The following OCA2 variants were observed in gnomAD, a reference collection of about 807,000 sequenced individuals.
OCA2 encodes P protein.
In OCA2, 77 loss-of-function variants were observed where a neutral mutation model predicts 100.2. The ratio of observed to expected loss-of-function variants is 0.77; its 90% confidence interval spans 0.64 to 0.93. The LOEUF is 0.93. OCA2 is among the 40% of genes least tolerant of loss of function. The probability of loss-of-function intolerance (pLI) is 0.00; values close to 1 mark genes in which losing one functional copy is unlikely to be tolerated. For missense variants in OCA2, 1,062 were observed against 1,089.1 expected (o/e 0.98, Z 0.35); for synonymous variants, 432 against 439.2 (o/e 0.98, Z 0.21).
At chr15:27,871,774 T>G in intron 20 of OCA2, 89 bp downstream of exon 20, 1 of 964,784 alleles carries the variant, frequency 1.0e-6, no homozygotes, top group Non-Finnish European at 1.7e-6. Flanking sequence ...ATGGGACCTG[T>G]TCTTACCAGA....
the OCA2 span, among the ~76,000 whole-genome samples, chr15:27,723,636 G>A: frequency 6.6e-5 from 10 of 152,076 alleles, no homozygotes; most frequent in African/African-American, 2.4e-4. Context: ...GACTTCCTGG[G>A]CGGCTTCAAT....
chr15:27,919,821 C>G (rs2038794139), intron 19 of OCA2, among the ~76,000 whole-genome samples: 1 of 152,160 alleles, frequency 6.6e-6, no homozygotes, highest in Non-Finnish European at 1.5e-5. Flanking sequence ...TAAATCATAA[C>G]AACTGTACCA....
chr15:27,867,946 C>T (rs1211698013), intron 21 of OCA2, among the ~76,000 whole-genome samples: 2 of 152,196 alleles, frequency 1.3e-5, no homozygotes, highest in Non-Finnish European at 2.9e-5. Context: ...TTGTTTTCAT[C>T]CTTCCCTCTC....
intron 23 of OCA2, among the ~76,000 whole-genome samples, chr15:27,774,414 G>C (rs1420614186): frequency 6.6e-6 from 1 of 152,234 alleles, no homozygotes; most frequent in Non-Finnish European, 1.5e-5. Flanking sequence ...ATTGAGCGGA[G>C]ACCAGTGTAA....
chr15:27,767,254 G>T (rs1182981497), intron 23 of OCA2, among the ~76,000 whole-genome samples: 1 of 151,798 alleles, frequency 6.6e-6, no homozygotes, highest in African/African-American at 2.4e-5. Context: ...CTGGCCCTTT[G>T]ACTGGCCTAA....
At chr15:28,093,705 T>G (rs2044912396) in intron 1 of OCA2, among the ~76,000 whole-genome samples, 1 of 152,082 alleles carries the variant, frequency 6.6e-6, no homozygotes, top group Non-Finnish European at 1.5e-5. Context: ...CGTCTGTCCG[T>G]AGGGGAGTGT....
intron 23 of OCA2, among the ~76,000 whole-genome samples, chr15:27,794,456 C>T (rs1016082649): frequency 2.6e-5 from 4 of 152,076 alleles, no homozygotes; most frequent in African/African-American, 9.7e-5. Flanking sequence ...TCAAATGAGT[C>T]GGGAGTATAT....
chr15:27,993,353 T>G (rs371253153), intron 9 of OCA2, among the ~76,000 whole-genome samples: 10 of 152,252 alleles, frequency 6.6e-5, no homozygotes, highest in Admixed American at 1.3e-4. Context: ...TGTCCCCGTG[T>G]CGGAAAACAA....
Position 27,805,985 on chromosome 15 carries a change from T to C in OCA2, c.2432+38974A>G, listed in dbSNP as rs114087564. On this transcript the variant is annotated intron_variant, in intron 23 of 23. Transcript: ENST00000354638. Reference sequence around the variant, plus strand: ...ACCACTGCGGAGTTACAGTGCAGGTTTGTCAGGCCGTGACAAACTATTTAG... The same window carrying C: ...ACCACTGCGGAGTTACAGTGCAGGTCTGTCAGGCCGTGACAAACTATTTAG... Among the ~76,000 whole-genome samples, 1,518 of 152,342 alleles carry C rather than the reference T, an allele frequency of 1.0e-2. 29 individuals carry two copies. The highest frequency in any genetic ancestry group is 0.034 in the African/African-American group (1,434 of 41,594).
chr15:28,035,877 T>G (rs1382487944), intron 2 of OCA2, among the ~76,000 whole-genome samples: 1 of 11,702 alleles, frequency 8.5e-5, no homozygotes, highest in Non-Finnish European at 1.5e-4. Context: ...CAACTGCAAC[T>G]GTACATAATT....
intron 9 of OCA2, among the ~76,000 whole-genome samples, chr15:27,994,458 C>T (rs2041657620): frequency 1.3e-5 from 2 of 152,316 alleles, no homozygotes; most frequent in Non-Finnish European, 2.9e-5. Flanking sequence ...AAATATAGCA[C>T]ACCTCTTCCT....
Position 27,956,497 on chromosome 15 carries a change from G to A in OCA2, c.1784+1091C>T, listed in dbSNP as rs376866045. Among the ~76,000 whole-genome samples, 31 of 152,320 alleles carry A rather than the reference G, an allele frequency of 2.0e-4. No homozygotes were observed. The South Asian group carries it at 5.2e-3, about 25-fold the overall frequency. ...TAACACCAGAGGAGCTGATGGGAAC[G>A]TGGTGAGCCTCGGAGCCCACATGTT... is the stretch of plus-strand genomic sequence containing the variant. On this transcript the variant is annotated intron_variant, in intron 16 of 23. Transcript: ENST00000354638.
At chr15:28,094,733 C>T (rs574388386) in intron 1 of OCA2, among the ~76,000 whole-genome samples, 1 of 152,296 alleles carries the variant, frequency 6.6e-6, no homozygotes, top group African/African-American at 2.4e-5. Flanking sequence ...GGCCCGGGCC[C>T]CTCCTGCCGC....
chr15:27,864,554 C>G (rs2036251345), intron 21 of OCA2, among the ~76,000 whole-genome samples: 1 of 152,132 alleles, frequency 6.6e-6, no homozygotes, highest in Non-Finnish European at 1.5e-5. Flanking sequence ...TCCCGCAGGG[C>G]TATGGGATGG....
chr15:27,918,744 A>C (rs2038758868), intron 19 of OCA2, among the ~76,000 whole-genome samples: 1 of 152,220 alleles, frequency 6.6e-6, no homozygotes, highest in Admixed American at 6.5e-5. Flanking sequence ...ATGTACCTGC[A>C]CTATTGGATA....
chr15:28,071,232 A>G (rs1371626852), intron 2 of OCA2, among the ~76,000 whole-genome samples: 4 of 152,108 alleles, frequency 2.6e-5, no homozygotes, highest in Admixed American at 1.3e-4. Context: ...AAAGATTTCT[A>G]TAAGCACTAC....
chr15:27,788,448 T>C (rs2032923534), intron 23 of OCA2, among the ~76,000 whole-genome samples: 1 of 152,106 alleles, frequency 6.6e-6, no homozygotes, highest in Non-Finnish European at 1.5e-5. Flanking sequence ...TAGGAGGACA[T>C]TTGTCTTCTT....
intron 19 of OCA2, among the ~76,000 whole-genome samples, chr15:27,876,665 G>GT: frequency 6.6e-6 from 1 of 151,950 alleles, no homozygotes; most frequent in South Asian, 2.1e-4. Flanking sequence ...GTCTATTTTG[G>GT]TAAGTTGTAT....
chr15:27,782,205 A>T lies in OCA2; in HGVS notation c.2433-26733T>A, dbSNP rs1202501812. Among the ~76,000 whole-genome samples, 4 of 152,350 alleles carry T rather than the reference A, an allele frequency of 2.6e-5. No individual in the cohort carries two copies. The East Asian group carries it at 7.7e-4, about 29-fold the overall frequency. ...TATTTACAATAAAGCTACATTTGTAAAGCAATTAAAGCTACTAAGTTTGTT... is the reference window on the plus strand; with the variant it reads ...TATTTACAATAAAGCTACATTTGTATAGCAATTAAAGCTACTAAGTTTGTT... On this transcript the variant is annotated intron_variant, in intron 23 of 23. Coordinates refer to ENST00000354638, the MANE Select transcript of OCA2 (RefSeq NM_000275.3).
Sources: gnomAD v4.1 joint callset for allele counts (sites outside exome capture counted in the v4.1 genomes callset) on GRCh38, gnomAD v4.1.1 for gene constraint, MANE v1.5 for transcripts, NCBI Gene and HGNC (gene_info 2026-07-23, HGNC 2026-07-21) for gene names.